The following CDH13 variants were observed in gnomAD, a reference collection of about 807,000 sequenced individuals.
The protein encoded by CDH13 is cadherin 13, also known as cadherin-13.
A neutral mutation model predicts 63.8 loss-of-function variants in CDH13; 24 were observed. The observed-to-expected ratio is 0.38, with a 90% CI of 0.27 to 0.53. CDH13 has a LOEUF of 0.53. CDH13 is among the 20% of genes least tolerant of loss of function. The pLI is 0.85. For missense variants in CDH13, 1,049 were observed against 903.1 expected (o/e 1.16, Z -2.07); for synonymous variants, 503 against 355.3 (o/e 1.42, Z -4.67).
At chr16:82,785,788 G>T (rs745454254) in intron 1 of CDH13, among the ~76,000 whole-genome samples, 5 of 152,180 alleles carry the variant, frequency 3.3e-5, no homozygotes, top group African/African-American at 9.6e-5. Context: ...TCGCGGTACC[G>T]CAAAAGAAAT....
At chr16:82,694,581 A>G (rs1324235476) in intron 1 of CDH13, among the ~76,000 whole-genome samples, 1 of 152,094 alleles carries the variant, frequency 6.6e-6, no homozygotes, top group African/African-American at 2.4e-5. Context: ...CCCATTCCCA[A>G]TCATCTTCTA....
intron 3 of CDH13, among the ~76,000 whole-genome samples, chr16:83,066,136 G>T (rs768295917): frequency 6.6e-6 from 1 of 152,318 alleles, no homozygotes; most frequent in South Asian, 2.1e-4. Context: ...TCTAAAACTA[G>T]ATATGAAATT....
intron 4 of CDH13, among the ~76,000 whole-genome samples, chr16:83,197,350 G>A (rs76685309): frequency 0.024 from 3,722 of 152,012 alleles, 130 homozygotes; most frequent in African/African-American, 0.084. Context: ...GGAAAGCCGG[G>A]TATCCATCCC....
chr16:83,337,465 C>T (rs1397048084), intron 5 of CDH13, among the ~76,000 whole-genome samples: 4 of 152,064 alleles, frequency 2.6e-5, no homozygotes, highest in African/African-American at 9.7e-5. Context: ...ATCTACCATG[C>T]CCCCTTGAAG....
Position 83,295,930 on chromosome 16 carries a change from GTGGATCAA to G in CDH13, c.637-48918_637-48911del, listed in dbSNP as rs1567571649. On this transcript the variant is annotated intron_variant, in intron 5 of 13. Transcript: ENST00000567109. Reference sequence around the variant, plus strand: ...ATGGAATCAACCTAAAAATTCATCAGTGGATCAATGGATCAATGGATAAACTATTTTTA... The same window carrying G: ...ATGGAATCAACCTAAAAATTCATCAGTGGATCAATGGATAAACTATTTTTA... Among the ~76,000 whole-genome samples, 3 of 152,160 alleles carry G rather than the reference GTGGATCAA, an allele frequency of 2.0e-5. No individual in the cohort carries two copies. In the East Asian group the frequency reaches 5.8e-4, roughly 29 times the overall value.
At chr16:83,291,066 G>T (rs528715040) in intron 5 of CDH13, among the ~76,000 whole-genome samples, 3 of 152,212 alleles carry the variant, frequency 2.0e-5, no homozygotes, top group South Asian at 4.2e-4. Flanking sequence ...GACAGTACAG[G>T]TCTATTTCTC....
chr16:83,682,500 A>C (rs1364335909), intron 10 of CDH13, among the ~76,000 whole-genome samples: 1 of 152,144 alleles, frequency 6.6e-6, no homozygotes, highest in East Asian at 1.9e-4. Flanking sequence ...TGTTCTGTAG[A>C]GGGGAAAGTC....
intron 13 of CDH13, 145 bp from the exon 14 acceptor site, chr16:83,794,878 T>C (rs1020883622): frequency 3.5e-5 from 26 of 751,444 alleles, no homozygotes; most frequent in Non-Finnish European, 5.8e-5. Flanking sequence ...ATGTGATCCT[T>C]AAGGAAAAAA....
At chr16:83,036,165 T>TC (rs1162221548) in intron 3 of CDH13, among the ~76,000 whole-genome samples, 244 of 148,092 alleles carry the variant, frequency 1.6e-3, no homozygotes, top group Middle Eastern at 0.014. Context: ...TTTTTTTTTT[T>TC]TGAGATAGGG....
chr16:83,429,730 T>G (rs1192584828), intron 6 of CDH13, among the ~76,000 whole-genome samples: 2 of 152,230 alleles, frequency 1.3e-5, no homozygotes, highest in Non-Finnish European at 2.9e-5. Context: ...AAAATACCTT[T>G]ATAATATTCC....
chr16:82,633,298 G>T (rs1230349933), intron 1 of CDH13, among the ~76,000 whole-genome samples: 1 of 152,222 alleles, frequency 6.6e-6, no homozygotes, highest in Non-Finnish European at 1.5e-5. Flanking sequence ...ACTCTACTTA[G>T]ACTTGCCAAG....
chr16:83,445,636 A>G (rs988372646), intron 6 of CDH13, among the ~76,000 whole-genome samples: 1 of 152,226 alleles, frequency 6.6e-6, no homozygotes, highest in African/African-American at 2.4e-5. Context: ...GATAAAGACC[A>G]TCATGTTTTT....
chr16:83,780,442 C>G (rs1915438541), intron 12 of CDH13, among the ~76,000 whole-genome samples: 1 of 152,200 alleles, frequency 6.6e-6, no homozygotes, highest in South Asian at 2.1e-4. Flanking sequence ...ATTTTCTATA[C>G]TGTACACCCT....
intron 6 of CDH13, among the ~76,000 whole-genome samples, chr16:83,403,673 A>T (rs1488429863): frequency 6.6e-6 from 1 of 152,124 alleles, no homozygotes; most frequent in Admixed American, 6.5e-5. Context: ...CCTTTGGGGG[A>T]GTGAGCAGTC....
rs9889140 is a variant in CDH13 at position 83,060,622 on chromosome 16, G to A, written c.366+28404G>A. ...TAACTTGTAAGTAATGAAACTCTCC[G>A]GAAAAGTTGAGCTCAGATCTGAATC... On this transcript the variant is annotated intron_variant, in intron 3 of 13. Transcript: ENST00000567109. Among the ~76,000 whole-genome samples, 161 of 152,240 alleles carry A rather than the reference G, an allele frequency of 1.1e-3. 2 individuals carry two copies. The highest frequency in any genetic ancestry group is 3.4e-3 in the African/African-American group (140 of 41,556).
rs118009822 is a variant in CDH13, at chr16:83,391,819, C to T, written c.781+46813C>T. Among the ~76,000 whole-genome samples, 1,258 of 152,286 alleles carry T rather than the reference C, an allele frequency of 8.3e-3. 9 individuals carry two copies. Among genetic ancestry groups the T allele is most frequent in the Non-Finnish European group, 8.9e-3 (606 of 68,018 alleles). Reference sequence around the variant, plus strand: ...AAAAACAAGATCACCTCTTTTGACACAGGGTCTGCATTGTGGTGATGTGTG... The same window carrying T: ...AAAAACAAGATCACCTCTTTTGACATAGGGTCTGCATTGTGGTGATGTGTG... On this transcript the variant is annotated intron_variant, in intron 6 of 13. Coordinates refer to ENST00000567109, the MANE Select transcript of CDH13 (RefSeq NM_001257.5).
chr16:83,755,527 A>G (rs900331672), intron 11 of CDH13, among the ~76,000 whole-genome samples: 1 of 152,224 alleles, frequency 6.6e-6, no homozygotes, highest in Non-Finnish European at 1.5e-5. Flanking sequence ...ATGAAAAACA[A>G]TATCAAAGAG....
chr16:83,704,692 T>C (rs112991806), intron 10 of CDH13, among the ~76,000 whole-genome samples: 4 of 152,354 alleles, frequency 2.6e-5, no homozygotes, highest in East Asian at 1.9e-4. Flanking sequence ...TAAGCTCTGA[T>C]AGAAAATTGT....
In CDH13 at chr16:82,989,855, G is replaced by T. The variant is rs1347643051; in HGVS notation, c.158-42155G>T. On this transcript the variant is annotated intron_variant, in intron 2 of 13. Coordinates refer to ENST00000567109, the MANE Select transcript of CDH13 (RefSeq NM_001257.5). The stretch of plus-strand genomic sequence containing the variant: ...TTTGTTTCTTAATGAAGCTGCCCTT[G>T]TTAAAATCCCTGGGACCTAATCATA... 2.0e-5 allele frequency among the ~76,000 whole-genome samples: 3 copies of T among 152,108 alleles called. No homozygotes were observed. In the East Asian group the frequency reaches 5.8e-4, roughly 29 times the overall value.
Sources: gnomAD v4.1 joint callset for allele counts (sites outside exome capture counted in the v4.1 genomes callset) on GRCh38, gnomAD v4.1.1 for gene constraint, MANE v1.5 for transcripts, NCBI Gene and HGNC (gene_info 2026-07-23, HGNC 2026-07-21) for gene names.